PARP3: variants seen among roughly 807,000 people sequenced by gnomAD.
PARP3 encodes poly(ADP-ribose) polymerase family member 3.
In PARP3, 46 loss-of-function variants were observed where a neutral mutation model predicts 58.2. The observed-to-expected ratio is 0.79, with a 90% CI of 0.62 to 1.01. The LOEUF (loss-of-function observed/expected upper bound fraction) is 1.01. Ranked by LOEUF, PARP3 falls within the 50% of genes least tolerant of loss-of-function variation. The pLI is 0.00. For synonymous variants in PARP3, 252 were observed against 266.4 expected, an observed-to-expected ratio of 0.95 and a Z score of 0.53; for missense variants, 663 against 683.9, an observed-to-expected ratio of 0.97 and a Z score of 0.34.
Position 51,944,360 on chromosome 3 carries a change from G to A in PARP3, c.313-30G>A. 2 of 1,612,482 alleles carry A rather than the reference G, an allele frequency of 1.2e-6. No homozygotes were observed. The highest frequency in any genetic ancestry group is 1.7e-6 in the Non-Finnish European group (2 of 1,179,288). ...ACACAGGCCAGCAAATGCTGATGGT[G>A]GGCATACCCCTGAAGGCTGTCGGTT... On this transcript the variant is annotated intron_variant, in intron 3 of 10. Transcript: ENST00000398755. This position sits in a 1 kb window ranked among gnomAD's most constrained non-coding sequence, Gnocchi z 4.2.
In PARP3 at chr3:51,943,436, C is replaced by T; in HGVS notation, c.81C>T (p.Asp27=). ...GCCGGCAGGCAGGAAGGGAGGAGGA[C>T]CCCTTCCGCTCCACCGCTGAGGCCC... is the stretch of plus-strand genomic sequence containing the variant. ...KKGRQAGREE[D]PFRSTAEALK... The change falls in exon 2 of 11, where the codon GAC becomes GAT. Residue 27 remains aspartate, a synonymous_variant. Coordinates refer to ENST00000398755, the MANE Select transcript of PARP3 (RefSeq NM_001003931.4). 6.2e-7 allele frequency: 1 copy of T among 1,606,994 alleles called. No individual in the cohort carries two copies. The highest frequency in any genetic ancestry group is 8.5e-7 in the Non-Finnish European group (1 of 1,177,212).
rs1388127442 is a variant in PARP3 at position 51,943,354 on chromosome 3, C to T, written c.-2C>T. The T allele has an allele frequency of 1.9e-6, 3 of 1,570,206 alleles. No homozygotes were observed. In the Admixed American group the frequency reaches 5.8e-5, roughly 30 times the overall value. On this transcript the variant is annotated splice_region_variant and 5_prime_UTR_variant, in exon 2 of 11. Transcript: ENST00000398755. ...AGGGCCTCTCTGTGCCCCAGGACAG[C>T]CATGGCTCCAAAGCCGAAGCCCTGG...
Position 51,947,738 on chromosome 3 carries a change from A to G in PARP3, c.1277-2A>G. 7 of 1,614,048 alleles carry G rather than the reference A, an allele frequency of 4.3e-6. No homozygotes were observed. The highest frequency in any genetic ancestry group is 5.9e-6 in the Non-Finnish European group (7 of 1,179,954). On this transcript the variant is annotated splice_acceptor_variant, in intron 9 of 10. Transcript: ENST00000398755. LOFTEE classifies it high-confidence loss of function. ...CCACCGGTGCCTCCCTGTGTCTTGCAGTTATTGGCATGAAGTGTGGGGCCC... is the reference window on the plus strand; with the variant it reads ...CCACCGGTGCCTCCCTGTGTCTTGCGGTTATTGGCATGAAGTGTGGGGCCC...
chr3:51,942,370 G>C lies in PARP3; in HGVS notation c.-341G>C. On this transcript the variant is annotated 5_prime_UTR_variant, in exon 1 of 11. Transcript: ENST00000398755. ...GTATCCGGGCCCAAGGTCACCGCGC[G>C]ACCGGCAGATGCGTGCTGCAGGCCC... 1.9e-6 allele frequency: 1 copy of C among 524,508 alleles called. No homozygotes were observed. The highest frequency in any genetic ancestry group is 3.5e-6 in the Non-Finnish European group (1 of 289,518). 32.5% of individuals were successfully genotyped at this position (524,508 alleles called of 1,614,324 possible). A position where few individuals can be genotyped will look rare whatever the true frequency, so the allele number is the denominator to read the frequency against.
In PARP3 at chr3:51,944,138, A is replaced by G. The variant is rs780577794; in HGVS notation, c.233A>G (p.Asn78Ser). ...CTLNQTNIENNNNKFYIIQLL... is the reference protein window; with the variant it reads ...CTLNQTNIENSNNKFYIIQLL... ...CTGAACCAGACCAACATCGAGAACAACAACAACAAGTTCTACATCATCCAG... is the reference window on the plus strand; with the variant it reads ...CTGAACCAGACCAACATCGAGAACAGCAACAACAAGTTCTACATCATCCAG... The change falls in exon 3 of 11, where the codon AAC becomes AGC. Residue 78 changes from asparagine to serine, a missense_variant. Asn to Ser is a conservative substitution (Grantham distance 46). Transcript: ENST00000398755. This position sits in a 1 kb window ranked among gnomAD's most constrained non-coding sequence, Gnocchi z 4.2. 1.2e-5 allele frequency: 19 copies of G among 1,613,516 alleles called. No individual in the cohort carries two copies. The highest frequency in any genetic ancestry group is 2.2e-5 in the East Asian group (1 of 44,866).
chr3:51,945,826 G>C (rs1699663593), intron 7 of PARP3, 27 bp from the exon 8 acceptor site: 6 of 1,603,404 alleles, frequency 3.7e-6, no homozygotes, highest in African/African-American at 1.3e-5. Flanking sequence ...CTCCCACCCT[G>C]GCAACCAGCT....
At chr3:51,943,614 A>T (rs979690951) in intron 2 of PARP3, 76 bp downstream of exon 2, 4 of 1,399,434 alleles carry the variant, frequency 2.9e-6, no homozygotes, top group African/African-American at 1.5e-5. Context: ...CCCCCTTAGG[A>T]CTCTGTTCTG....
rs1699571836 is a variant in PARP3 at position 51,942,651 on chromosome 3, C to T, written c.-60C>T. The T allele has an allele frequency of 1.4e-5, 17 of 1,210,068 alleles. No homozygotes were observed. The highest frequency in any genetic ancestry group is 2.0e-5 in the Non-Finnish European group (17 of 831,640). 75.0% of individuals were successfully genotyped at this position (1,210,068 alleles called of 1,614,324 possible). ...CTAGACCTGGGACTGCCCTGGGAGG[C>T]GCACACAACCAGGCCGGGTGGCAGC... is the stretch of plus-strand genomic sequence containing the variant. On this transcript the variant is annotated 5_prime_UTR_variant, in exon 1 of 11. Transcript: ENST00000398755.
chr3:51,944,421 TC>T lies in PARP3; in HGVS notation c.345del (p.Phe115LeufsTer4), dbSNP rs1397205609. On this transcript the variant is annotated frameshift_variant, in exon 4 of 11. Coordinates refer to ENST00000398755, the MANE Select transcript of PARP3 (RefSeq NM_001003931.4). LOFTEE classifies it high-confidence loss of function. This position sits in a 1 kb window ranked among gnomAD's most constrained non-coding sequence, Gnocchi z 4.2. ...GTCGGCCAGTCAAAGATCAACCACTTCACAAGGCTAGAAGATGCAAAGAAGG... is the reference window on the plus strand; with the variant it reads ...GTCGGCCAGTCAAAGATCAACCACTTACAAGGCTAGAAGATGCAAAGAAGG... ...GEVGQSKINH[F>X]TRLEDAKKDF... The T allele has an allele frequency of 6.2e-7, 1 of 1,613,832 alleles. No homozygotes were observed. The highest frequency in any genetic ancestry group is 8.5e-7 in the Non-Finnish European group (1 of 1,180,010).
Position 51,944,547 on chromosome 3 carries a change from C to A in PARP3, c.470C>A (p.Ala157Glu). 1 of 1,614,226 alleles carries A rather than the reference C, an allele frequency of 6.2e-7. No individual in the cohort carries two copies. Among genetic ancestry groups the A allele is most frequent in the East Asian group, 2.2e-5 (1 of 44,890 alleles). The change falls in exon 4 of 11, where the codon GCA (alanine) becomes GAA (glutamate). Residue 157 changes from alanine to glutamate, a missense_variant. Physicochemically the swap from Ala to Glu is moderately radical, Grantham distance 107 (BLOSUM62 -1). Transcript: ENST00000398755. This position sits in a 1 kb window ranked among gnomAD's most constrained non-coding sequence, Gnocchi z 4.2. ...AAGTACACACTTATCGAAGTACAGGCAGAGGATGAGGCCCAGGAAGCTGTG... is the reference window on the plus strand; with the variant it reads ...AAGTACACACTTATCGAAGTACAGGAAGAGGATGAGGCCCAGGAAGCTGTG... The part of the protein sequence containing the change: ...PGKYTLIEVQ[A>E]EDEAQEAVVK...
chr3:51,943,321 G>A, intron 1 of PARP3, 33 bp from the exon 2 acceptor site: 1 of 1,522,736 alleles, frequency 6.6e-7, no homozygotes, highest in Non-Finnish European at 8.8e-7. Flanking sequence ...GGAGACCATG[G>A]AGGCCTAAGG....
chr3:51,945,750 T>G, intron 7 of PARP3, 103 bp from the exon 8 acceptor site: 2 of 1,525,506 alleles, frequency 1.3e-6, no homozygotes, highest in Non-Finnish European at 1.8e-6. Flanking sequence ...CTTCTCTTCC[T>G]GTGTCTCCAG....
chr3:51,945,755 C>T, intron 7 of PARP3, 98 bp from the exon 8 acceptor site: 1 of 1,523,322 alleles, frequency 6.6e-7, no homozygotes, highest in Non-Finnish European at 9.1e-7. Flanking sequence ...CTTCCTGTGT[C>T]TCCAGGGCCT....
Position 51,946,492 on chromosome 3 carries a change from TTG to T in PARP3, c.1276+150_1276+151del. On this transcript the variant is annotated intron_variant, in intron 9 of 10. Coordinates refer to ENST00000398755, the MANE Select transcript of PARP3 (RefSeq NM_001003931.4). This position sits in a 1 kb window ranked among gnomAD's most constrained non-coding sequence, Gnocchi z 4.6. ...AGTGCTCAGTGGGCTGTCCTGGGCT[TTG>T]GTGGCGGGGGGTCTTAGAGAAAGTG... is the stretch of plus-strand genomic sequence containing the variant. 1 of 687,678 alleles carries T rather than the reference TTG, an allele frequency of 1.5e-6. No individual in the cohort carries two copies. The highest frequency in any genetic ancestry group is 2.3e-6 in the Non-Finnish European group (1 of 428,394). The allele number at this position is 687,678 out of a possible 1,614,324, so 42.6% of individuals were successfully genotyped here.
At position 51,946,787 on chromosome 3, in the gene PARP3, A is replaced by C. The variant is rs1178008676; in HGVS notation, c.1276+444A>C. Among the ~76,000 whole-genome samples, 1 of 152,230 alleles carries C rather than the reference A, an allele frequency of 6.6e-6. No homozygotes were observed. Among genetic ancestry groups the C allele is most frequent in the Non-Finnish European group, 1.5e-5 (1 of 68,042 alleles). The stretch of plus-strand genomic sequence containing the variant: ...ATAAAAAAGAGGAGACGTCAAGGCA[A>C]GGGGATAGGCAGAGAGGCTGGGAGG... On this transcript the variant is annotated intron_variant, in intron 9 of 10. Coordinates refer to ENST00000398755, the MANE Select transcript of PARP3 (RefSeq NM_001003931.4). The surrounding 1 kb of genome is among the most constrained non-coding windows in gnomAD (Gnocchi z 4.6).
In PARP3 at chr3:51,945,113, G is replaced by A. The variant is rs752753892; in HGVS notation, c.750G>A (p.Leu250=). The part of the protein sequence containing the change: ...LKGPTDGGQS[L]EELSSHFYTV... ...GCCCCACGGATGGTGGCCAAAGCCTGGAGGAGCTGTCCTCACACTTTTACA... is the reference window on the plus strand; with the variant it reads ...GCCCCACGGATGGTGGCCAAAGCCTAGAGGAGCTGTCCTCACACTTTTACA... The change falls in exon 6 of 11, where the codon CTG becomes CTA. Residue 250 remains leucine, a synonymous_variant. Transcript: ENST00000398755. 5.6e-6 allele frequency: 9 copies of A among 1,614,184 alleles called. No individual in the cohort carries two copies. Among genetic ancestry groups the A allele is most frequent in the South Asian group, 2.2e-5 (2 of 91,092 alleles).
At position 51,945,173 on chromosome 3, in the gene PARP3, C is replaced by T. The variant is rs1699645510; in HGVS notation, c.810C>T (p.Pro270=). Reference sequence around the variant, plus strand: ...CGCACAACTTCGGCCACAGCCAGCCCCCGCCCATCAATTCCCCTGAGCTTC... The same window carrying T: ...CGCACAACTTCGGCCACAGCCAGCCTCCGCCCATCAATTCCCCTGAGCTTC... The part of the protein sequence containing the change: ...VIPHNFGHSQ[P]PPINSPELLQ... The change falls in exon 6 of 11, where the codon CCC becomes CCT. Residue 270 remains proline, a synonymous_variant. Transcript: ENST00000398755. 1.2e-6 allele frequency: 2 copies of T among 1,614,032 alleles called. No individual in the cohort carries two copies. The highest frequency in any genetic ancestry group is 1.7e-6 in the Non-Finnish European group (2 of 1,180,042).
Position 51,945,017 on chromosome 3 carries a change from G to T in PARP3, c.654G>T (p.Leu218=). Residue 218 remains leucine (L), a synonymous_variant, in exon 6 of 11, where the codon CTG becomes CTT. Coordinates refer to ENST00000398755, the MANE Select transcript of PARP3 (RefSeq NM_001003931.4). ...CCCTAGATGTGAAGAAGATGCCCCT[G>T]GGAAAGCTGAGCAAGCAACAGATTG... ...LMDLDVKKMP[L]GKLSKQQIAR... 1 of 1,613,984 alleles carries T rather than the reference G, an allele frequency of 6.2e-7. No individual in the cohort carries two copies. The highest frequency in any genetic ancestry group is 1.1e-5 in the South Asian group (1 of 91,086).
In PARP3 at chr3:51,946,808, G is replaced by T. The variant is rs1265590754; in HGVS notation, c.1276+465G>T. Reference sequence around the variant, plus strand: ...GGCAAGGGGATAGGCAGAGAGGCTGGGAGGATGTGAGGATGTGGCAGGTCA... The same window carrying T: ...GGCAAGGGGATAGGCAGAGAGGCTGTGAGGATGTGAGGATGTGGCAGGTCA... On this transcript the variant is annotated intron_variant, in intron 9 of 10. Transcript: ENST00000398755. This position sits in a 1 kb window ranked among gnomAD's most constrained non-coding sequence, Gnocchi z 4.6. Among the ~76,000 whole-genome samples the T allele has an allele frequency of 6.6e-6, 1 of 152,238 alleles. No individual in the cohort carries two copies. Among genetic ancestry groups the T allele is most frequent in the Non-Finnish European group, 1.5e-5 (1 of 68,042 alleles).
Sources: gnomAD v4.1 joint callset for allele counts (sites outside exome capture counted in the v4.1 genomes callset) on GRCh38, gnomAD v4.1.1 for gene constraint, Gnocchi (gnomAD v3.1) non-coding constraint, MANE v1.5 for transcripts, NCBI Gene and HGNC (gene_info 2026-07-23, HGNC 2026-07-21) for gene names.